RBM12: variants seen among roughly 807,000 people sequenced by gnomAD.
RBM12 encodes RNA binding motif protein 12.
RBM12 carries 24 observed loss-of-function variants against 37.2 expected under a neutral mutation model. The observed-to-expected ratio is 0.65, with a 90% CI of 0.47 to 0.91. RBM12 has a LOEUF of 0.91. RBM12 is among the 40% of genes least tolerant of loss of function. The pLI is 0.00. For missense variants in RBM12, 1,061 were observed against 1,183.2 expected, an observed-to-expected ratio of 0.90 and a Z score of 1.52; for synonymous variants, 420 against 425.2, an observed-to-expected ratio of 0.99 and a Z score of 0.15.
At position 35,650,386 on chromosome 20, in the gene RBM12, A is replaced by T. The variant is rs1248783348; in HGVS notation, c.*2138T>A. 1 of 152,546 alleles carries T rather than the reference A, an allele frequency of 6.6e-6. No individual in the cohort carries two copies. The highest frequency in any genetic ancestry group is 1.9e-4 in the East Asian group (1 of 5,204). 9.4% of individuals were successfully genotyped at this position (152,546 alleles called of 1,614,324 possible). ...CATATAACCAAAATAAATTGTGAAA[A>T]AAGATAAAAGACTTTCATCTTCAAA... is the stretch of plus-strand genomic sequence containing the variant. On this transcript the variant is annotated 3_prime_UTR_variant, in exon 3 of 3. Coordinates refer to ENST00000374114, the MANE Select transcript of RBM12 (RefSeq NM_006047.6).
rs556466760 is a variant in RBM12 at position 35,650,860 on chromosome 20, A to C, written c.*1664T>G. 1.3e-5 allele frequency: 2 copies of C among 152,698 alleles called. No individual in the cohort carries two copies. The highest frequency in any genetic ancestry group is 4.1e-4 in the South Asian group (2 of 4,822). The allele number at this position is 152,698 out of a possible 1,614,324, so 9.5% of individuals were successfully genotyped here. ...ATATATATATAGTTTAATAGGAAAT[A>C]CTTATTTTAAAAGACTGACCCCTTT... is the stretch of plus-strand genomic sequence containing the variant. On this transcript the variant is annotated 3_prime_UTR_variant, in exon 3 of 3. Transcript: ENST00000374114.
chr20:35,652,955 G>A lies in RBM12; in HGVS notation c.2368C>T (p.Gln790Ter). 1 of 1,613,798 alleles carries A rather than the reference G, an allele frequency of 6.2e-7. No homozygotes were observed. The highest frequency in any genetic ancestry group is 8.5e-7 in the Non-Finnish European group (1 of 1,180,030). ...CTACCAGGGCCATTTCCAAAATTCT[G>A]AGGGCCCCCTCCAAATCCCGATGGC... The part of the protein sequence containing the change: ...SGPSGFGGGP[Q>*]NFGNGPGSLG... The change falls in exon 3 of 3, where the codon CAG becomes TAG. Residue 790 changes from glutamine (Q) to a stop codon, truncating the protein, a stop_gained. Transcript: ENST00000374114. LOFTEE classifies it high-confidence loss of function.
chr20:35,654,657 A>G lies in RBM12; in HGVS notation c.666T>C (p.Pro222=). 2 of 1,612,688 alleles carry G rather than the reference A, an allele frequency of 1.2e-6. No individual in the cohort carries two copies. The highest frequency in any genetic ancestry group is 1.7e-6 in the Non-Finnish European group (2 of 1,179,100). ...PPVPTLPPVP[P]VPPIPPVPSV... ...AAGGAACTGGGGGAATCGGGGGCAC[A>G]GGAGGCACAGGAGGCAATGTAGGTA... The change falls in exon 3 of 3, where the codon CCT becomes CCC. Residue 222 remains proline (P), a synonymous_variant. Coordinates refer to ENST00000374114, the MANE Select transcript of RBM12 (RefSeq NM_006047.6).
chr20:35,649,099 A>G lies in RBM12; in HGVS notation c.*3425T>C, dbSNP rs760678979. On this transcript the variant is annotated 3_prime_UTR_variant, in exon 3 of 3. Transcript: ENST00000374114. ...AGCCATTTTGTTGTGTTTGGTTTCTAAAGTCTGGACTACTATAGAACTGCC... is the reference window on the plus strand; with the variant it reads ...AGCCATTTTGTTGTGTTTGGTTTCTGAAGTCTGGACTACTATAGAACTGCC... 10 of 152,778 alleles carry G rather than the reference A, an allele frequency of 6.5e-5. No homozygotes were observed. The highest frequency in any genetic ancestry group is 1.2e-4 in the African/African-American group (5 of 41,588). 9.5% of individuals were successfully genotyped at this position (152,778 alleles called of 1,614,324 possible).
chr20:35,653,143 A>T lies in RBM12; in HGVS notation c.2180T>A (p.Phe727Tyr). The T allele has an allele frequency of 6.2e-7, 1 of 1,613,648 alleles. No homozygotes were observed. The highest frequency in any genetic ancestry group is 1.1e-5 in the South Asian group (1 of 91,082). Residue 727 changes from phenylalanine to tyrosine, a missense_variant, in exon 3 of 3, where the codon TTT becomes TAT. Physicochemically the swap from Phe to Tyr is conservative, Grantham distance 22. Around this residue, in one of 3 missense-constraint regions of RBM12, gnomAD observed 517 missense variants for 534.0 expected, o/e 0.97. Transcript: ENST00000374114. Reference protein sequence around the residue: ...NGPPFNFPGNFGGSNAFGPPI... With the variant: ...NGPPFNFPGNYGGSNAFGPPI... ...TGGCCCAAAGGCATTTGATCCACCA[A>T]AATTACCAGGAAAGTTAAATGGAGG...
intron 2 of RBM12, among the ~76,000 whole-genome samples, chr20:35,657,941 A>G (rs1196040368): frequency 1.3e-5 from 2 of 152,156 alleles, no homozygotes; most frequent in Non-Finnish European, 2.9e-5. Context: ...AGGTGCCTGT[A>G]ATCCCAGCTA....
intron 2 of RBM12, among the ~76,000 whole-genome samples, chr20:35,657,987 G>A (rs895225281): frequency 2.0e-5 from 3 of 151,886 alleles, no homozygotes; most frequent in Non-Finnish European, 2.9e-5. Context: ...ACTTGAACCC[G>A]GGAGGCAGAG....
At position 35,652,889 on chromosome 20, in the gene RBM12, G is replaced by T. The variant is rs763757415; in HGVS notation, c.2434C>A (p.Leu812Ile). 1 of 1,613,546 alleles carries T rather than the reference G, an allele frequency of 6.2e-7. No homozygotes were observed. The highest frequency in any genetic ancestry group is 1.7e-5 in the Admixed American group (1 of 60,016). Residue 812 changes from leucine to isoleucine, a missense_variant, in exon 3 of 3, where the codon CTT becomes ATT. This residue lies in a region of RBM12 where 517 missense variants were observed against 534.0 expected (regional missense o/e 0.97). Coordinates refer to ENST00000374114, the MANE Select transcript of RBM12 (RefSeq NM_006047.6). ...CCCAAATGCCCAGGGGCACTTCCAA[G>T]ACCAGGAGGGCCACTTCCAAACCCC... ...PPGFGSGPPGLGSAPGHLGGP... is the reference protein window; with the variant it reads ...PPGFGSGPPGIGSAPGHLGGP...
chr20:35,654,050 G>A lies in RBM12; in HGVS notation c.1273C>T (p.Pro425Ser). 1 of 1,614,194 alleles carries A rather than the reference G, an allele frequency of 6.2e-7. No individual in the cohort carries two copies. The highest frequency in any genetic ancestry group is 1.3e-5 in the African/African-American group (1 of 75,038). The change falls in exon 3 of 3, where the codon CCA becomes TCA. Residue 425 changes from proline (P) to serine (S), a missense_variant. Physicochemically the swap from Pro to Ser is moderately conservative, Grantham distance 74. Around this residue, in one of 3 missense-constraint regions of RBM12, gnomAD observed 540 missense variants for 632.7 expected, o/e 0.85. Coordinates refer to ENST00000374114, the MANE Select transcript of RBM12 (RefSeq NM_006047.6). ...TAAACACAAAAACCAGCCTCATGTGGTGATCTTGACCTTGATCTTTTCTGC... is the reference window on the plus strand; with the variant it reads ...TAAACACAAAAACCAGCCTCATGTGATGATCTTGACCTTGATCTTTTCTGC... Reference protein sequence around the residue: ...SGQKRSRSRSPHEAGFCVYLK... With the variant: ...SGQKRSRSRSSHEAGFCVYLK...
At position 35,654,919 on chromosome 20, in the gene RBM12, G is replaced by GT; in HGVS notation, c.403dup (p.Thr135AsnfsTer8). ...GCTTTCATGAACAGAAGTGGTGGCA[G>GT]TAACTACACTGGGTGATGGATTATT... is the stretch of plus-strand genomic sequence containing the variant. On this transcript the variant is annotated frameshift_variant, in exon 3 of 3. Transcript: ENST00000374114. LOFTEE classifies it high-confidence loss of function. The GT allele has an allele frequency of 6.2e-7, 1 of 1,614,172 alleles. No homozygotes were observed.
chr20:35,654,802 G>T lies in RBM12; in HGVS notation c.521C>A (p.Thr174Asn). 6.2e-7 allele frequency: 1 copy of T among 1,614,226 alleles called. No homozygotes were observed. Among genetic ancestry groups the T allele is most frequent in the Non-Finnish European group, 8.5e-7 (1 of 1,180,022 alleles). ...CATTGGAGAGGCTGTGCTTGGAACA[G>T]TTGAGCTAAACGTTGGGCTCCCAAA... ...ASFGSPTFSS[T>N]VPSTASPMNT... The change falls in exon 3 of 3, where the codon ACT becomes AAT. Residue 174 changes from threonine (T) to asparagine (N), a missense_variant. Around this residue, in one of 3 missense-constraint regions of RBM12, gnomAD observed 540 missense variants for 632.7 expected, o/e 0.85. Transcript: ENST00000374114.
In RBM12 at chr20:35,652,388, G is replaced by T; in HGVS notation, c.*136C>A. On this transcript the variant is annotated 3_prime_UTR_variant, in exon 3 of 3. Transcript: ENST00000374114. ...AGTCTTCTGTAAACAGTCAACCAATGCTCTATGTTATGGAAACCAAGCTAT... is the reference window on the plus strand; with the variant it reads ...AGTCTTCTGTAAACAGTCAACCAATTCTCTATGTTATGGAAACCAAGCTAT... The T allele has an allele frequency of 2.0e-6, 2 of 986,556 alleles. No individual in the cohort carries two copies. Among genetic ancestry groups the T allele is most frequent in the Non-Finnish European group, 1.5e-6 (1 of 671,404 alleles). The allele number at this position is 986,556 out of a possible 1,614,324, so 61.1% of individuals were successfully genotyped here. A position where few individuals can be genotyped will look rare whatever the true frequency, so the allele number is the denominator to read the frequency against.
intron 1 of RBM12, among the ~76,000 whole-genome samples, chr20:35,662,677 G>A (rs750689425): frequency 6.6e-5 from 10 of 152,148 alleles, no homozygotes; most frequent in Non-Finnish European, 1.2e-4. Flanking sequence ...GCAAAATGGA[G>A]TAAAAACTAT....
chr20:35,658,446 CT>C (rs2034029507), intron 2 of RBM12, among the ~76,000 whole-genome samples: 1 of 152,140 alleles, frequency 6.6e-6, no homozygotes, highest in Non-Finnish European at 1.5e-5. Context: ...TACCCCACCC[CT>C]ATCCCTCAGA....
rs1190218052 is a variant in RBM12, at chr20:35,650,407, T to C, written c.*2117A>G. On this transcript the variant is annotated 3_prime_UTR_variant, in exon 3 of 3. Coordinates refer to ENST00000374114, the MANE Select transcript of RBM12 (RefSeq NM_006047.6). ...GAAAAAAGATAAAAGACTTTCATCT[T>C]CAAACAACCCATTTTTCTAAAATGA... The C allele has an allele frequency of 6.6e-6, 1 of 152,626 alleles. No individual in the cohort carries two copies. Among genetic ancestry groups the C allele is most frequent in the Admixed American group, 6.5e-5 (1 of 15,284 alleles). 9.5% of individuals were successfully genotyped at this position (152,626 alleles called of 1,614,324 possible). A position where few individuals can be genotyped will look rare whatever the true frequency, so the allele number is the denominator to read the frequency against.
intron 2 of RBM12, among the ~76,000 whole-genome samples, 171 bp from the exon 3 acceptor site, chr20:35,655,515 A>G (rs2033843157): frequency 6.6e-6 from 1 of 152,252 alleles, no homozygotes; most frequent in Admixed American, 6.5e-5. Flanking sequence ...TGCCATTTAC[A>G]ATGTAAAACG....
rs1213531545 is a variant in RBM12, at chr20:35,654,609, C to A, written c.714G>T (p.Leu238=). 1.9e-6 allele frequency: 3 copies of A among 1,614,006 alleles called. No individual in the cohort carries two copies. The highest frequency in any genetic ancestry group is 1.3e-5 in the African/African-American group (1 of 74,878). Reference sequence around the variant, plus strand: ...AGGGCGGCATGCCCGACATGGGTGGCAGTGGGGTCATGGGTGGCACAGAAG... The same window carrying A: ...AGGGCGGCATGCCCGACATGGGTGGAAGTGGGGTCATGGGTGGCACAGAAG... ...PVPSVPPMTP[L]PPMSGMPPLN... is the part of the protein sequence containing the mutation. Residue 238 remains leucine, a synonymous_variant, in exon 3 of 3, where the codon CTG becomes CTT. Transcript: ENST00000374114.
chr20:35,652,640 T>C lies in RBM12; in HGVS notation c.2683A>G (p.Met895Val), dbSNP rs1223944550. 1 of 1,614,220 alleles carries C rather than the reference T, an allele frequency of 6.2e-7. No individual in the cohort carries two copies. The highest frequency in any genetic ancestry group is 1.1e-5 in the South Asian group (1 of 91,078). Residue 895 changes from methionine (M) to valine (V), a missense_variant, in exon 3 of 3, where the codon ATG becomes GTG. This residue lies in a region of RBM12 where 517 missense variants were observed against 534.0 expected (regional missense o/e 0.97). Coordinates refer to ENST00000374114, the MANE Select transcript of RBM12 (RefSeq NM_006047.6). ...GCCACCATGGCTTCACCTGTGGGCA[T>C]ACCTTTTTCATTGTATTTTAAACAC... Reference protein sequence around the residue: ...SVCLKYNEKGMPTGEAMVAFE... With the variant: ...SVCLKYNEKGVPTGEAMVAFE...
Position 35,653,738 on chromosome 20 carries a change from T to C in RBM12, c.1585A>G (p.Arg529Gly), listed in dbSNP as rs1442849088. Residue 529 changes from arginine (R) to glycine (G), a missense_variant, in exon 3 of 3, where the codon AGG becomes GGG. Around this residue, in one of 3 missense-constraint regions of RBM12, gnomAD observed 517 missense variants for 534.0 expected, o/e 0.97. Coordinates refer to ENST00000374114, the MANE Select transcript of RBM12 (RefSeq NM_006047.6). ...KRLQNFSYDQ[R>G]EMILNPEGDV... ...CCCTCTGGATTTAGTATCATTTCCCTCTGGTCATAGCTGAAGTTCTGCAGT... is the reference window on the plus strand; with the variant it reads ...CCCTCTGGATTTAGTATCATTTCCCCCTGGTCATAGCTGAAGTTCTGCAGT... The C allele has an allele frequency of 6.2e-7, 1 of 1,614,206 alleles. No homozygotes were observed. The highest frequency in any genetic ancestry group is 1.1e-5 in the South Asian group (1 of 91,092).
Sources: gnomAD v4.1 joint callset for allele counts (sites outside exome capture counted in the v4.1 genomes callset) on GRCh38, gnomAD v4.1.1 for gene constraint, gnomAD v4.1.1 regional missense constraint, MANE v1.5 for transcripts, NCBI Gene and HGNC (gene_info 2026-07-23, HGNC 2026-07-21) for gene names.